The following CNOT4 variants were observed in gnomAD, a reference collection of about 807,000 sequenced individuals.
CNOT4 encodes CCR4-NOT transcription complex subunit 4, also known as CCR4-associated factor 4.
Under a neutral mutation model 73.8 loss-of-function variants are expected in CNOT4, and 8 were observed. The observed-to-expected ratio is 0.11, with a 90% CI of 0.06 to 0.20. The LOEUF is 0.20. CNOT4 is among the 10% of genes least tolerant of loss of function. The pLI is 1.00. For missense variants in CNOT4, 564 were observed against 883.4 expected, an observed-to-expected ratio of 0.64 and a Z score of 4.58; for synonymous variants, 293 against 321.1, an observed-to-expected ratio of 0.91 and a Z score of 0.94.
chr7:135,430,147 T>C (rs1339004358), intron 2 of CNOT4, among the ~76,000 whole-genome samples: 2 of 152,160 alleles, frequency 1.3e-5, no homozygotes, highest in African/African-American at 4.8e-5. Flanking sequence ...AGGCAGAAGA[T>C]GAGGAAACAT....
chr7:135,470,796 G>C (rs549676011), intron 1 of CNOT4, among the ~76,000 whole-genome samples: 1 of 152,172 alleles, frequency 6.6e-6, no homozygotes, highest in Admixed American at 6.5e-5. Flanking sequence ...TCTGGTGACA[G>C]AATCAGAACA....
Position 135,362,111 on chromosome 7 carries a change from C to T in CNOT4, c.*774G>A, listed in dbSNP as rs865930116. The T allele has an allele frequency of 2.6e-5, 4 of 152,418 alleles. No individual in the cohort carries two copies. Among genetic ancestry groups the T allele is most frequent in the East Asian group, 1.9e-4 (1 of 5,212 alleles). 9.4% of individuals were successfully genotyped at this position (152,418 alleles called of 1,614,324 possible). The stretch of plus-strand genomic sequence containing the variant: ...GGAGAAGGACTGAAGAAATGACTTA[C>T]ATTTCAGCTCTTATATTATTAATAG... On this transcript the variant is annotated 3_prime_UTR_variant, in exon 12 of 12. Transcript: ENST00000541284.
chr7:135,460,969 T>C (rs914425845), intron 1 of CNOT4, among the ~76,000 whole-genome samples: 4 of 152,358 alleles, frequency 2.6e-5, no homozygotes, highest in Non-Finnish European at 5.9e-5. Context: ...TTCTATATTC[T>C]TTGTTTTGTT....
At chr7:135,482,986 CAAAA>C (rs36125617) in intron 1 of CNOT4, among the ~76,000 whole-genome samples, 1 of 43,518 alleles carries the variant, frequency 2.3e-5, no homozygotes, top group Non-Finnish European at 4.2e-5. Context: ...GACTCCATAT[CAAAA>C]AAAAAAAAAA....
At chr7:135,457,018 C>A (rs550517892) in intron 1 of CNOT4, among the ~76,000 whole-genome samples, 2 of 152,110 alleles carry the variant, frequency 1.3e-5, no homozygotes, top group African/African-American at 4.8e-5. Context: ...AGATCACTGG[C>A]TATAAAACCA....
At position 135,444,143 on chromosome 7, in the gene CNOT4, A is replaced by AT. The variant is rs1585652450; in HGVS notation, c.-92-5721_-92-5720insA. Among the ~76,000 whole-genome samples the AT allele has an allele frequency of 2.2e-5, 3 of 137,564 alleles. 1 individual carries two copies. The highest frequency in any genetic ancestry group is 7.8e-5 in the African/African-American group (3 of 38,642). 90.2% of individuals were successfully genotyped at this position (137,564 alleles called of 152,430 possible). A position where few individuals can be genotyped will look rare whatever the true frequency, so the allele number is the denominator to read the frequency against. ...GGGAGACAGTGAAACCCTGTTTCAA[A>AT]AAATAATAATAATAATAATAATAAT... is the stretch of plus-strand genomic sequence containing the variant. On this transcript the variant is annotated intron_variant, in intron 1 of 11. Coordinates refer to ENST00000541284, the MANE Select transcript of CNOT4 (RefSeq NM_001190850.2).
intron 1 of CNOT4, among the ~76,000 whole-genome samples, chr7:135,495,504 CAAAAAAAA>C (rs150007748): frequency 5.5e-5 from 3 of 54,712 alleles, no homozygotes. Context: ...GACTCTGCCT[CAAAAAAAA>C]AAAAAAAAAA....
intron 1 of CNOT4, among the ~76,000 whole-genome samples, chr7:135,452,915 T>G (rs1269874611): frequency 1.3e-5 from 2 of 152,214 alleles, no homozygotes; most frequent in Non-Finnish European, 2.9e-5. Context: ...AAATCGAAGC[T>G]GAGACTAATT....
intron 1 of CNOT4, among the ~76,000 whole-genome samples, chr7:135,443,242 C>T (rs1010812462): frequency 1.3e-5 from 2 of 150,920 alleles, no homozygotes; most frequent in African/African-American, 4.9e-5. Flanking sequence ...GTAGTCCCAG[C>T]TACTTGGGAG....
At chr7:135,479,357 C>CA (rs1196439284) in intron 1 of CNOT4, among the ~76,000 whole-genome samples, 1 of 151,074 alleles carries the variant, frequency 6.6e-6, no homozygotes, top group African/African-American at 2.4e-5. Flanking sequence ...TACAGGAGCA[C>CA]ACCACCATGC....
chr7:135,400,232 G>A (rs531564037), intron 7 of CNOT4, among the ~76,000 whole-genome samples: 24 of 152,156 alleles, frequency 1.6e-4, no homozygotes, highest in African/African-American at 5.8e-4. Context: ...TGGGATAGCT[G>A]GAATAATAAT....
At chr7:135,457,946 G>A (rs925085692) in intron 1 of CNOT4, among the ~76,000 whole-genome samples, 3 of 152,098 alleles carry the variant, frequency 2.0e-5, no homozygotes, top group East Asian at 3.9e-4. Context: ...CATAGGTTAC[G>A]ACTCTCAATG....
intron 1 of CNOT4, among the ~76,000 whole-genome samples, chr7:135,461,008 A>C (rs773357957): frequency 6.6e-6 from 1 of 152,180 alleles, no homozygotes; most frequent in Non-Finnish European, 1.5e-5. Flanking sequence ...TGTAAAAAGC[A>C]TTTTTAGCTC....
intron 1 of CNOT4, among the ~76,000 whole-genome samples, chr7:135,441,691 A>G (rs1799488186): frequency 6.6e-6 from 1 of 152,216 alleles, no homozygotes; most frequent in African/African-American, 2.4e-5. Context: ...TTGGGAAGGA[A>G]GCAATACATT....
At position 135,409,631 on chromosome 7, in the gene CNOT4, T is replaced by A. The variant is rs1797487370; in HGVS notation, c.821+884A>T. Among the ~76,000 whole-genome samples, 3 of 152,242 alleles carry A rather than the reference T, an allele frequency of 2.0e-5. No homozygotes were observed. The South Asian group carries it at 6.2e-4, about 32-fold the overall frequency. On this transcript the variant is annotated intron_variant, in intron 7 of 11. Coordinates refer to ENST00000541284, the MANE Select transcript of CNOT4 (RefSeq NM_001190850.2). ...TTAGCACCAAACAGACACTGGGCTA[T>A]AATATTTAACACCTAGACATTAGGA...
At chr7:135,496,590 C>A (rs1224863938) in intron 1 of CNOT4, among the ~76,000 whole-genome samples, 1 of 152,032 alleles carries the variant, frequency 6.6e-6, no homozygotes, top group African/African-American at 2.4e-5. Context: ...CTGAAACCTC[C>A]TTGGCTACCT....
At chr7:135,475,543 A>T (rs1801933929) in intron 1 of CNOT4, among the ~76,000 whole-genome samples, 1 of 152,236 alleles carries the variant, frequency 6.6e-6, no homozygotes, top group Non-Finnish European at 1.5e-5. Context: ...TTAAGAACAA[A>T]AATCAGTTCA....
intron 2 of CNOT4, among the ~76,000 whole-genome samples, chr7:135,428,890 T>C (rs1798662607): frequency 6.6e-6 from 1 of 152,186 alleles, no homozygotes; most frequent in South Asian, 2.1e-4. Context: ...GGAGATTTAC[T>C]TTTTGGAATT....
chr7:135,368,235 C>G (rs938652167), intron 10 of CNOT4, among the ~76,000 whole-genome samples: 1 of 152,044 alleles, frequency 6.6e-6, no homozygotes, highest in African/African-American at 2.4e-5. Context: ...ATTCTGCTAC[C>G]TTGCTGGTCA....
Sources: allele counts gnomAD v4.1 joint callset (sites outside exome capture counted in the v4.1 genomes callset), GRCh38; gene constraint gnomAD v4.1.1; transcripts MANE v1.5; gene names NCBI Gene and HGNC (gene_info 2026-07-23, HGNC 2026-07-21).